TTLL11: variants seen among roughly 807,000 people sequenced by gnomAD.
TTLL11 encodes the protein tubulin tyrosine ligase like 11.
In TTLL11, 42 loss-of-function variants were observed where a neutral mutation model predicts 51.7. The observed-to-expected ratio is 0.81, with a 90% confidence interval of 0.64 to 1.05. The LOEUF (loss-of-function observed/expected upper bound fraction) is 1.05, where lower values mean the gene tolerates loss of function less well. Among genes scored for constraint, TTLL11 ranks in the 50% least tolerant of loss-of-function variants. The pLI, the probability that TTLL11 is intolerant of heterozygous loss-of-function variation, is 0.00. For missense variants in TTLL11, 799 were observed against 940.4 expected, an observed-to-expected ratio of 0.85 and a Z score of 1.97; for synonymous variants, 381 against 383.5, an observed-to-expected ratio of 0.99 and a Z score of 0.08.
chr9:121,874,997 A>T (rs757543504), intron 6 of TTLL11, among the ~76,000 whole-genome samples: 3 of 152,028 alleles, frequency 2.0e-5, no homozygotes, highest in Non-Finnish European at 4.4e-5. Context: ...AAAATCTTAC[A>T]GCTATAAGTG....
At chr9:121,950,832 C>G (rs1022008731) in intron 6 of TTLL11, among the ~76,000 whole-genome samples, 7 of 152,284 alleles carry the variant, frequency 4.6e-5, no homozygotes, top group East Asian at 1.9e-4. Context: ...GAACCTGGCT[C>G]AAATCATGAC....
At chr9:122,029,980 G>A (rs1444427276) in intron 3 of TTLL11, among the ~76,000 whole-genome samples, 2 of 152,192 alleles carry the variant, frequency 1.3e-5, no homozygotes, top group East Asian at 3.9e-4. Flanking sequence ...TCCTAGGAGC[G>A]ATAGGCTATA....
intron 8 of TTLL11, among the ~76,000 whole-genome samples, chr9:121,839,571 T>G (rs569111227): frequency 2.0e-5 from 3 of 152,310 alleles, no homozygotes; most frequent in Admixed American, 1.3e-4. Flanking sequence ...CCTTCTTTCT[T>G]GATTGTCTTT....
chr9:121,985,508 CTTTTCT>C lies in TTLL11; in HGVS notation c.1269+3681_1269+3686del, dbSNP rs1306828628. Among the ~76,000 whole-genome samples the C allele has an allele frequency of 4.7e-3, 623 of 131,340 alleles. 3 individuals are homozygous for C. The highest frequency in any genetic ancestry group is 0.018 in the African/African-American group (595 of 33,184). 86.2% of individuals were successfully genotyped at this position (131,340 alleles called of 152,430 possible). A position where few individuals can be genotyped will look rare whatever the true frequency, so the allele number is the denominator to read the frequency against. On this transcript the variant is annotated intron_variant, in intron 4 of 8. Coordinates refer to ENST00000321582, the MANE Select transcript of TTLL11 (RefSeq NM_001139442.2). ...TCCAAGGAGAAAAGGATACCATTTT[CTTTTCT>C]TTTTTTTTTTTTTTTTTTTTGAGAC...
intron 6 of TTLL11, among the ~76,000 whole-genome samples, chr9:121,955,664 T>G (rs923327091): frequency 4.6e-5 from 7 of 152,178 alleles, no homozygotes; most frequent in Admixed American, 4.6e-4. Flanking sequence ...GTCCTTTGCC[T>G]TTTCCACTGC....
At chr9:121,872,158 C>T (rs1838381527) in intron 6 of TTLL11, among the ~76,000 whole-genome samples, 1 of 152,246 alleles carries the variant, frequency 6.6e-6, no homozygotes, top group Non-Finnish European at 1.5e-5. Flanking sequence ...TCCAAGCAAG[C>T]ACACCATTAG....
At chr9:121,851,664 G>A (rs1034179368) in intron 8 of TTLL11, among the ~76,000 whole-genome samples, 3 of 152,186 alleles carry the variant, frequency 2.0e-5, no homozygotes, top group African/African-American at 7.2e-5. Flanking sequence ...ATTGGAGGTG[G>A]CCCCTAACCC....
At chr9:121,940,560 G>A (rs1000454519) in intron 6 of TTLL11, among the ~76,000 whole-genome samples, 3 of 151,844 alleles carry the variant, frequency 2.0e-5, no homozygotes, top group Non-Finnish European at 4.4e-5. Flanking sequence ...ACTATGTCTC[G>A]AACTCCTGAC....
intron 4 of TTLL11, among the ~76,000 whole-genome samples, chr9:121,978,440 A>G (rs1451886376): frequency 6.6e-6 from 1 of 150,384 alleles, no homozygotes; most frequent in Non-Finnish European, 1.5e-5. Flanking sequence ...GGGGTTCCCA[A>G]GGAAAAAGCT....
chr9:122,067,170 C>T (rs958567759), intron 1 of TTLL11, among the ~76,000 whole-genome samples: 1 of 152,176 alleles, frequency 6.6e-6, no homozygotes, highest in African/African-American at 2.4e-5. Flanking sequence ...CCTTTGTGAA[C>T]CCATCCCCTT....
chr9:121,831,959 C>T (rs920052985), intron 8 of TTLL11, among the ~76,000 whole-genome samples: 1 of 152,160 alleles, frequency 6.6e-6, no homozygotes, highest in Admixed American at 6.5e-5. Context: ...CTGGTAAGGG[C>T]TCTCTTCCTG....
chr9:121,891,093 C>T (rs1839212441), intron 6 of TTLL11, among the ~76,000 whole-genome samples: 1 of 152,176 alleles, frequency 6.6e-6, no homozygotes, highest in African/African-American at 2.4e-5. Context: ...TGTTTTTAAC[C>T]CCTTTTGAAG....
intron 6 of TTLL11, among the ~76,000 whole-genome samples, chr9:121,893,100 A>G (rs1223421387): frequency 2.0e-5 from 3 of 152,244 alleles, no homozygotes; most frequent in African/African-American, 7.2e-5. Flanking sequence ...GTGCCAACTT[A>G]TGCCTGATAC....
chr9:121,831,490 G>A (rs1564263125), intron 8 of TTLL11, among the ~76,000 whole-genome samples: 1 of 152,130 alleles, frequency 6.6e-6, no homozygotes, highest in African/African-American at 2.4e-5. Context: ...CATGAGGTCA[G>A]GCATTCGAGA....
At chr9:122,049,116 C>A (rs1319785501) in intron 1 of TTLL11, among the ~76,000 whole-genome samples, 1 of 152,066 alleles carries the variant, frequency 6.6e-6, no homozygotes, top group East Asian at 1.9e-4. Context: ...GTTAGCAATG[C>A]CTGCAGTAAT....
chr9:121,964,981 C>T (rs1364250603), intron 6 of TTLL11, among the ~76,000 whole-genome samples: 1 of 152,178 alleles, frequency 6.6e-6, no homozygotes, highest in East Asian at 1.9e-4. Context: ...GGCTGGCGAT[C>T]TAATTCACTT....
At chr9:121,867,444 G>A (rs1444283232) in intron 7 of TTLL11, among the ~76,000 whole-genome samples, 1 of 152,134 alleles carries the variant, frequency 6.6e-6, no homozygotes. Context: ...AGGCAAGTGA[G>A]GTGGTGATTC....
chr9:121,912,346 C>G (rs573088286), intron 6 of TTLL11, among the ~76,000 whole-genome samples: 3 of 152,294 alleles, frequency 2.0e-5, no homozygotes, highest in African/African-American at 7.2e-5. Context: ...CGAGGATGCA[C>G]AAGCACATCA....
At chr9:121,934,273 C>T (rs900569734) in intron 6 of TTLL11, among the ~76,000 whole-genome samples, 2 of 65,532 alleles carry the variant, frequency 3.1e-5, no homozygotes, top group East Asian at 3.4e-4. Context: ...TAAATCCATT[C>T]GTCCATCTTG....
Sources: allele counts gnomAD v4.1 joint callset (sites outside exome capture counted in the v4.1 genomes callset), GRCh38; gene constraint gnomAD v4.1.1; transcripts MANE v1.5; gene names NCBI Gene and HGNC (gene_info 2026-07-23, HGNC 2026-07-21).